NOL4: variants seen among roughly 807,000 people sequenced by gnomAD.
NOL4 encodes the protein cancer/testis antigen 125.
NOL4 carries 17 observed loss-of-function variants against 75.9 expected under a neutral mutation model. The observed-to-expected ratio is 0.22, with a 90% CI of 0.15 to 0.34. The LOEUF is 0.34. Ranked by LOEUF, NOL4 falls within the 10% of genes least tolerant of loss-of-function variation. The pLI, the probability that NOL4 is intolerant of heterozygous loss-of-function variation, is 1.00. For synonymous variants in NOL4, 292 were observed against 289.9 expected, an observed-to-expected ratio of 1.01 and a Z score of -0.07; for missense variants, 614 against 793.5, an observed-to-expected ratio of 0.77 and a Z score of 2.72.
At chr18:34,124,107 T>C (rs886709894) in intron 2 of NOL4, among the ~76,000 whole-genome samples, 4 of 152,150 alleles carry the variant, frequency 2.6e-5, no homozygotes, top group Non-Finnish European at 4.4e-5. Context: ...ACAATGCATC[T>C]GTATTAAAAA....
intron 6 of NOL4, among the ~76,000 whole-genome samples, chr18:34,014,254 C>A (rs2074553518): frequency 6.6e-6 from 1 of 151,554 alleles, no homozygotes; most frequent in Non-Finnish European, 1.5e-5. Context: ...ACACAGTGGA[C>A]AAAATAAAAT....
At position 34,219,668 on chromosome 18, in the gene NOL4, G is replaced by A. The variant is rs574112294; in HGVS notation, c.264+3322C>T. On this transcript the variant is annotated intron_variant, in intron 1 of 10. Transcript: ENST00000261592. ...GTCAACCATTTGCTATATCGTTTTC[G>A]GAACTGTTTTAAGTCATTCATCATT... Among the ~76,000 whole-genome samples the A allele has an allele frequency of 1.1e-3, 174 of 152,344 alleles. 1 individual carries two copies. The highest frequency in any genetic ancestry group is 1.5e-3 in the Non-Finnish European group (99 of 68,032).
intron 4 of NOL4, among the ~76,000 whole-genome samples, chr18:34,098,747 G>A (rs1269025992): frequency 6.6e-6 from 1 of 152,100 alleles, no homozygotes; most frequent in Admixed American, 6.5e-5. Flanking sequence ...AAGTGGATGT[G>A]TTGCACAGTA....
chr18:34,151,951 G>A (rs540498990), intron 1 of NOL4, among the ~76,000 whole-genome samples: 3 of 151,860 alleles, frequency 2.0e-5, no homozygotes, highest in East Asian at 1.9e-4. Context: ...CTAGTGGACC[G>A]ACAACCAGCT....
chr18:34,056,045 C>T (rs1294081579), intron 5 of NOL4, among the ~76,000 whole-genome samples: 1 of 152,050 alleles, frequency 6.6e-6, no homozygotes, highest in Non-Finnish European at 1.5e-5. Context: ...TTAGTCATCT[C>T]TCTATGTTCT....
At chr18:34,077,117 G>A (rs2077779302) in intron 5 of NOL4, among the ~76,000 whole-genome samples, 1 of 151,962 alleles carries the variant, frequency 6.6e-6, no homozygotes, top group South Asian at 2.1e-4. Context: ...ACTAGCCTGG[G>A]CAACATGGTG....
chr18:34,199,391 G>A (rs1446808937), intron 1 of NOL4, among the ~76,000 whole-genome samples: 1 of 151,674 alleles, frequency 6.6e-6, no homozygotes, highest in African/African-American at 2.4e-5. Context: ...AAAAAGAGGA[G>A]CAAAAATGAT....
At chr18:33,953,837 T>C (rs2069434477) in intron 8 of NOL4, among the ~76,000 whole-genome samples, 1 of 152,176 alleles carries the variant, frequency 6.6e-6, no homozygotes, top group African/African-American at 2.4e-5. Flanking sequence ...GACAGACATT[T>C]GTAATTGTGG....
intron 9 of NOL4, among the ~76,000 whole-genome samples, chr18:33,941,686 G>A (rs1354448579): frequency 1.3e-5 from 2 of 151,832 alleles, no homozygotes; most frequent in Admixed American, 6.6e-5. Flanking sequence ...TACTATTGCT[G>A]TCTTTCATAT....
At chr18:34,221,930 G>A (rs1003914323) in intron 1 of NOL4, 2 of 1,089,582 alleles carry the variant, frequency 1.8e-6, no homozygotes, top group African/African-American at 1.6e-5. Context: ...AGGGGGGAAA[G>A]GAAGAAATGC....
chr18:33,931,096 T>C (rs768775648), intron 9 of NOL4, among the ~76,000 whole-genome samples: 3 of 152,182 alleles, frequency 2.0e-5, no homozygotes, highest in African/African-American at 4.8e-5. Flanking sequence ...AGGAAAAATT[T>C]ATTTGACATA....
chr18:34,202,083 T>C (rs1224870763), intron 1 of NOL4, among the ~76,000 whole-genome samples: 1 of 151,914 alleles, frequency 6.6e-6, no homozygotes, highest in Non-Finnish European at 1.5e-5. Flanking sequence ...GGTAACCAGT[T>C]AGAGTTTTAG....
At chr18:34,153,138 T>G (rs1391205077) in intron 1 of NOL4, among the ~76,000 whole-genome samples, 3 of 151,910 alleles carry the variant, frequency 2.0e-5, no homozygotes, top group Non-Finnish European at 4.4e-5. Flanking sequence ...AATATTTTCG[T>G]TATATTTTTC....
intron 1 of NOL4, among the ~76,000 whole-genome samples, chr18:34,149,728 G>A (rs1224794317): frequency 6.6e-6 from 1 of 151,616 alleles, no homozygotes; most frequent in African/African-American, 2.4e-5. Context: ...ACCCTTTGGA[G>A]AAAGCTACTA....
chr18:34,097,975 T>A (rs974628877), intron 4 of NOL4, among the ~76,000 whole-genome samples: 2 of 152,190 alleles, frequency 1.3e-5, no homozygotes, highest in South Asian at 2.1e-4. Flanking sequence ...TTTTGTAAAA[T>A]CTTTCTCAAT....
At chr18:33,969,217 C>A (rs1405926901) in intron 6 of NOL4, among the ~76,000 whole-genome samples, 1 of 152,126 alleles carries the variant, frequency 6.6e-6, no homozygotes, top group Non-Finnish European at 1.5e-5. Flanking sequence ...AATCTTCTCG[C>A]AATATGATAA....
intron 5 of NOL4, among the ~76,000 whole-genome samples, chr18:34,067,800 G>A (rs2077343553): frequency 1.3e-5 from 2 of 152,008 alleles, no homozygotes; most frequent in Non-Finnish European, 2.9e-5. Flanking sequence ...AGTTTGGGAT[G>A]TGTTTATTTT....
intron 9 of NOL4, among the ~76,000 whole-genome samples, chr18:33,889,861 T>A (rs1373801145): frequency 1.3e-5 from 2 of 152,122 alleles, no homozygotes; most frequent in African/African-American, 4.8e-5. Context: ...AAACTCTCAA[T>A]AAACTAGGTA....
intron 5 of NOL4, among the ~76,000 whole-genome samples, chr18:34,067,443 G>A (rs73416377): frequency 6.6e-6 from 1 of 151,948 alleles, no homozygotes; most frequent in Non-Finnish European, 1.5e-5. Flanking sequence ...AAGAATCATC[G>A]GGCTTAGAAT....
Sources: allele counts gnomAD v4.1 joint callset (sites outside exome capture counted in the v4.1 genomes callset), GRCh38; gene constraint gnomAD v4.1.1; transcripts MANE v1.5; gene names NCBI Gene and HGNC (gene_info 2026-07-23, HGNC 2026-07-21).